RAMP3: variants seen among roughly 807,000 people sequenced by gnomAD.
RAMP3 encodes receptor activity-modifying protein 3.
In RAMP3, 14 loss-of-function variants were observed where a neutral mutation model predicts 13.5. The observed-to-expected ratio is 1.04, with a 90% CI of 0.69 to 1.63. The LOEUF (loss-of-function observed/expected upper bound fraction) is 1.63, where lower values mean the gene tolerates loss of function less well. RAMP3 is among the 40% of genes most tolerant of loss of function. The probability of loss-of-function intolerance (pLI) is 0.00; values close to 1 mark genes in which losing one functional copy is unlikely to be tolerated. For synonymous variants in RAMP3, 106 were observed against 88.3 expected (o/e 1.20, Z -1.12); for missense variants, 200 against 204.8 (o/e 0.98, Z 0.14).
At chr7:45,177,009 A>C (rs973492872) in intron 1 of RAMP3, among the ~76,000 whole-genome samples, 1 of 152,000 alleles carries the variant, frequency 6.6e-6, no homozygotes, top group East Asian at 1.9e-4. Flanking sequence ...CCCTCTCACC[A>C]CCTCCCAAGG....
chr7:45,173,937 G>T (rs968680140), intron 1 of RAMP3, among the ~76,000 whole-genome samples: 1 of 152,162 alleles, frequency 6.6e-6, no homozygotes, highest in African/African-American at 2.4e-5. Context: ...ATATAGCAGA[G>T]CCTCGACAGC....
At chr7:45,167,609 G>C (rs1274732218) in intron 1 of RAMP3, among the ~76,000 whole-genome samples, 3 of 150,620 alleles carry the variant, frequency 2.0e-5, no homozygotes, top group Non-Finnish European at 3.0e-5. Flanking sequence ...TGTTGCCCAG[G>C]CTGGAGTGCA....
chr7:45,170,981 T>C (rs6972145), intron 1 of RAMP3, among the ~76,000 whole-genome samples: 39,795 of 151,800 alleles, frequency 0.26, 6,331 homozygotes, highest in African/African-American at 0.44. Context: ...CCAAGTACTG[T>C]TTTAGCTGCA....
At chr7:45,181,280 CTT>C (rs1786307167) in intron 2 of RAMP3, among the ~76,000 whole-genome samples, 1 of 152,240 alleles carries the variant, frequency 6.6e-6, no homozygotes, top group Non-Finnish European at 1.5e-5. Flanking sequence ...TCCATGCTGT[CTT>C]CTGGGATTAC....
chr7:45,177,472 T>G (rs975539270), intron 2 of RAMP3, 31 bp downstream of exon 2: 50 of 1,613,470 alleles, frequency 3.1e-5, no homozygotes, highest in Non-Finnish European at 4.2e-5. Flanking sequence ...TGGGATTTGC[T>G]CTGACCACAG....
chr7:45,183,115 G>A (rs1171403575), intron 2 of RAMP3, 42 bp from the exon 3 acceptor site: 3 of 1,600,068 alleles, frequency 1.9e-6, no homozygotes, highest in Non-Finnish European at 2.5e-6. Context: ...GGTGTGAGGG[G>A]GGATGGCGAG....
intron 1 of RAMP3, chr7:45,163,193 A>G: frequency 1.0e-6 from 1 of 985,194 alleles, no homozygotes. Flanking sequence ...TGTGCAGTTG[A>G]CTCTGCTGGG....
chr7:45,169,459 C>G (rs1400566160), intron 1 of RAMP3, among the ~76,000 whole-genome samples: 2 of 152,116 alleles, frequency 1.3e-5, no homozygotes, highest in East Asian at 1.9e-4. Context: ...TTAGTATAGA[C>G]CTATTTAGAT....
In RAMP3 at chr7:45,167,166, C is replaced by G. The variant is rs534852627; in HGVS notation, c.58+9280C>G. Among the ~76,000 whole-genome samples the G allele has an allele frequency of 3.3e-3, 505 of 152,158 alleles. 3 individuals are homozygous for G. The highest frequency in any genetic ancestry group is 0.012 in the African/African-American group (494 of 41,504). ...TAGAGACGCGGTTTCAGTGTGTTAG[C>G]TAGGATGGTCTCGATCTCCTGACCT... On this transcript the variant is annotated intron_variant, in intron 1 of 2. Coordinates refer to ENST00000242249, the MANE Select transcript of RAMP3 (RefSeq NM_005856.3).
intron 1 of RAMP3, among the ~76,000 whole-genome samples, chr7:45,171,945 A>C (rs1396491503): frequency 6.6e-6 from 1 of 152,244 alleles, no homozygotes; most frequent in Non-Finnish European, 1.5e-5. Flanking sequence ...TGCTTCTACC[A>C]GAATGACATC....
At chr7:45,164,008 A>T in intron 1 of RAMP3, 1 of 527,172 alleles carries the variant, frequency 1.9e-6, no homozygotes, top group Non-Finnish European at 2.4e-6. Context: ...TTTCTATTAG[A>T]CTTTAAATAA....
chr7:45,181,847 T>C (rs914183224), intron 2 of RAMP3, among the ~76,000 whole-genome samples: 2 of 152,176 alleles, frequency 1.3e-5, no homozygotes, highest in African/African-American at 4.8e-5. Flanking sequence ...GCTGTTTCTT[T>C]TGCTCTGGCT....
At chr7:45,167,056 C>A (rs566164730) in intron 1 of RAMP3, among the ~76,000 whole-genome samples, 2 of 147,810 alleles carry the variant, frequency 1.4e-5, no homozygotes, top group African/African-American at 5.0e-5. Context: ...CTCCTGGGTT[C>A]ACGCCATTCT....
rs1785889978 is a variant in RAMP3 at position 45,162,815 on chromosome 7, T to A, written c.58+4929T>A. On this transcript the variant is annotated intron_variant, in intron 1 of 2. Transcript: ENST00000242249. ...ATTGAGGCTCAGAGGGGCAAGTGAG[T>A]GAGTGTCAGGGTCAGGGGCAGAGCC... 2.0e-5 allele frequency among the ~76,000 whole-genome samples: 3 copies of A among 152,108 alleles called. No homozygotes were observed. In the South Asian group the frequency reaches 6.2e-4, roughly 32 times the overall value.
At position 45,177,809 on chromosome 7, in the gene RAMP3, A is replaced by C. The variant is rs185456309; in HGVS notation, c.191+368A>C. Among the ~76,000 whole-genome samples, 18 of 151,968 alleles carry C rather than the reference A, an allele frequency of 1.2e-4. No homozygotes were observed. The East Asian group carries it at 3.5e-3, about 30-fold the overall frequency. ...CACTCTGATGTTCTAGCAATTCTACACTGTGCCTCTGCTTCTCCCTCTCCT... is the reference window on the plus strand; with the variant it reads ...CACTCTGATGTTCTAGCAATTCTACCCTGTGCCTCTGCTTCTCCCTCTCCT... On this transcript the variant is annotated intron_variant, in intron 2 of 2. Transcript: ENST00000242249.
intron 1 of RAMP3, among the ~76,000 whole-genome samples, chr7:45,167,650 G>A (rs2128656203): frequency 6.6e-6 from 1 of 150,452 alleles, no homozygotes; most frequent in East Asian, 2.0e-4. Flanking sequence ...CGCAACCTCC[G>A]CCTCCCGGGT....
In RAMP3 at chr7:45,165,859, GT is replaced by G. The variant is rs1367677158; in HGVS notation, c.58+7977del. ...TTAAGGTTCATTCATATAGTGGTAT[GT>G]TTTAGCACTTCACTCTTTTATGTAC... On this transcript the variant is annotated intron_variant, in intron 1 of 2. Coordinates refer to ENST00000242249, the MANE Select transcript of RAMP3 (RefSeq NM_005856.3). 2.5e-3 allele frequency among the ~76,000 whole-genome samples: 378 copies of G among 152,302 alleles called. 5 individuals are homozygous for G. The highest frequency in any genetic ancestry group is 8.8e-3 in the African/African-American group (367 of 41,560).
chr7:45,160,236 G>A (rs985118479), intron 1 of RAMP3, among the ~76,000 whole-genome samples: 3 of 148,354 alleles, frequency 2.0e-5, no homozygotes, highest in Admixed American at 6.9e-5. Flanking sequence ...GGAGGCTGAG[G>A]CAGAGGAATC....
chr7:45,167,752 AATTTTGT>A (rs2128656227), intron 1 of RAMP3, among the ~76,000 whole-genome samples: 1 of 151,568 alleles, frequency 6.6e-6, no homozygotes, highest in South Asian at 2.1e-4. Flanking sequence ...ACGCCCGGGT[AATTTTGT>A]ATTTTTAGTA....
Sources: gnomAD v4.1 joint callset for allele counts (sites outside exome capture counted in the v4.1 genomes callset) on GRCh38, gnomAD v4.1.1 for gene constraint, MANE v1.5 for transcripts, NCBI Gene and HGNC (gene_info 2026-07-23, HGNC 2026-07-21) for gene names.